The following CACNG2 variants were observed in gnomAD, a reference collection of about 807,000 sequenced individuals.
The protein encoded by CACNG2 is voltage-dependent calcium channel gamma-2 subunit.
In CACNG2, 3 loss-of-function variants were observed where a neutral mutation model predicts 25.9. That is an observed-to-expected ratio of 0.12 (90% CI 0.05 to 0.30). The LOEUF (loss-of-function observed/expected upper bound fraction) is 0.30. Ranked by LOEUF, CACNG2 falls within the 10% of genes least tolerant of loss-of-function variation. The pLI is 1.00. For synonymous variants in CACNG2, 167 were observed against 173.3 expected, an observed-to-expected ratio of 0.96 and a Z score of 0.29; for missense variants, 341 against 432.5, an observed-to-expected ratio of 0.79 and a Z score of 1.88.
intron 1 of CACNG2, among the ~76,000 whole-genome samples, chr22:36,632,632 T>C (rs1467085430): frequency 6.6e-6 from 1 of 152,062 alleles, no homozygotes; most frequent in Non-Finnish European, 1.5e-5. Context: ...CTCATCTTAC[T>C]TGACCCATCA....
At chr22:36,611,964 G>C (rs1935948910) in intron 1 of CACNG2, among the ~76,000 whole-genome samples, 1 of 152,142 alleles carries the variant, frequency 6.6e-6, no homozygotes, top group Non-Finnish European at 1.5e-5. Context: ...CTGTAAACCG[G>C]GTTAATAACA....
intron 1 of CACNG2, among the ~76,000 whole-genome samples, chr22:36,613,578 T>C (rs1249262272): frequency 6.6e-6 from 1 of 152,150 alleles, no homozygotes; most frequent in African/African-American, 2.4e-5. Flanking sequence ...CTTGTACATT[T>C]GGTGTTTCTG....
intron 1 of CACNG2, among the ~76,000 whole-genome samples, chr22:36,590,016 G>C (rs1935562420): frequency 6.6e-6 from 1 of 152,184 alleles, no homozygotes; most frequent in East Asian, 1.9e-4. Flanking sequence ...GTGCAGGAGT[G>C]AGGCTCAGAG....
At chr22:36,588,032 C>T (rs2145922509) in intron 1 of CACNG2, among the ~76,000 whole-genome samples, 1 of 152,324 alleles carries the variant, frequency 6.6e-6, no homozygotes, top group East Asian at 1.9e-4. Flanking sequence ...AAACACTTTC[C>T]CATCTGCAAT....
chr22:36,678,537 C>A lies in CACNG2; in HGVS notation c.211+23829G>T, dbSNP rs563180701. ...ACTCGACCCAATTCTCAAGCCTTCTCCCCCACAGTTCTGACCCAATTCTCT... is the reference window on the plus strand; with the variant it reads ...ACTCGACCCAATTCTCAAGCCTTCTACCCCACAGTTCTGACCCAATTCTCT... On this transcript the variant is annotated intron_variant, in intron 1 of 3. Coordinates refer to ENST00000300105, the MANE Select transcript of CACNG2 (RefSeq NM_006078.5). 9.9e-5 allele frequency among the ~76,000 whole-genome samples: 15 copies of A among 152,152 alleles called. No individual in the cohort carries two copies. In the East Asian group the frequency reaches 2.7e-3, roughly 27 times the overall value.
intron 1 of CACNG2, among the ~76,000 whole-genome samples, chr22:36,591,265 G>A (rs1367194083): frequency 2.0e-5 from 3 of 151,742 alleles, no homozygotes; most frequent in Non-Finnish European, 4.4e-5. Flanking sequence ...TCCTGACCTC[G>A]TGATCCGCCT....
At chr22:36,611,037 T>C (rs952562597) in intron 1 of CACNG2, among the ~76,000 whole-genome samples, 1 of 152,250 alleles carries the variant, frequency 6.6e-6, no homozygotes, top group African/African-American at 2.4e-5. Context: ...AATCTGAAGA[T>C]AAATGTTTAA....
At chr22:36,577,564 C>T (rs185653753) in intron 2 of CACNG2, among the ~76,000 whole-genome samples, 1 of 151,036 alleles carries the variant, frequency 6.6e-6, no homozygotes, top group East Asian at 2.0e-4. Context: ...GCAGGAGACT[C>T]GCTTGAACCG....
Position 36,586,696 on chromosome 22 carries a change from A to G in CACNG2, c.295+769T>C, listed in dbSNP as rs969185104. Among the ~76,000 whole-genome samples the G allele has an allele frequency of 3.3e-5, 5 of 151,316 alleles. No individual in the cohort carries two copies. In the South Asian group the frequency reaches 1.0e-3, roughly 32 times the overall value. ...GAGGCGGGGTTGCTCCTGGGAGGAG[A>G]GCAAACCTCCTTCCAAAGAGATGGC... On this transcript the variant is annotated intron_variant, in intron 2 of 3. Coordinates refer to ENST00000300105, the MANE Select transcript of CACNG2 (RefSeq NM_006078.5).
intron 1 of CACNG2, among the ~76,000 whole-genome samples, chr22:36,663,363 C>A (rs1039614140): frequency 7.2e-5 from 11 of 152,132 alleles, no homozygotes; most frequent in African/African-American, 2.4e-4. Flanking sequence ...AAAGGGCCAC[C>A]CCTACCCTCT....
At chr22:36,655,694 C>T (rs1044806283) in intron 1 of CACNG2, among the ~76,000 whole-genome samples, 6 of 151,428 alleles carry the variant, frequency 4.0e-5, no homozygotes, top group Admixed American at 3.3e-4. Flanking sequence ...TTCCTTCCTT[C>T]CTTTCTTTCT....
intron 1 of CACNG2, among the ~76,000 whole-genome samples, chr22:36,609,195 T>C (rs1042432960): frequency 2.6e-4 from 38 of 146,118 alleles, no homozygotes; most frequent in South Asian, 6.7e-4. Context: ...CAGAGCGTGA[T>C]CGGGCAGGAA....
intron 1 of CACNG2, among the ~76,000 whole-genome samples, chr22:36,685,218 C>T (rs1937180045): frequency 6.6e-6 from 1 of 152,142 alleles, no homozygotes; most frequent in South Asian, 2.1e-4. Flanking sequence ...CTCTCTGCAT[C>T]CTGCTGCTGT....
At chr22:36,628,217 T>C (rs1936213451) in intron 1 of CACNG2, among the ~76,000 whole-genome samples, 2 of 152,216 alleles carry the variant, frequency 1.3e-5, no homozygotes, top group African/African-American at 4.8e-5. Flanking sequence ...TAAAAAGGAA[T>C]AGATAGTTGG....
In CACNG2 at chr22:36,623,011, G is replaced by GATTTTTTTTTTTTTTTTTT. The variant is rs1569032646; in HGVS notation, c.212-35464_212-35463insAAAAAAAAAAAAAAAAAAT. Among the ~76,000 whole-genome samples, 2 of 93,224 alleles carry GATTTTTTTTTTTTTTTTTT rather than the reference G, an allele frequency of 2.1e-5. 1 individual carries two copies. Among genetic ancestry groups the GATTTTTTTTTTTTTTTTTT allele is most frequent in the Non-Finnish European group, 4.0e-5 (2 of 49,902 alleles). 61.2% of individuals were successfully genotyped at this position (93,224 alleles called of 152,430 possible). ...TTTCTCATTCAGTCTTCAAAACATG[G>GATTTTTTTTTTTTTTTTTT]GTTTTTTTTTTTTTTTTTTTTTTTT... On this transcript the variant is annotated intron_variant, in intron 1 of 3. Coordinates refer to ENST00000300105, the MANE Select transcript of CACNG2 (RefSeq NM_006078.5).
chr22:36,604,626 C>T (rs1204381675), intron 1 of CACNG2, among the ~76,000 whole-genome samples: 6 of 152,314 alleles, frequency 3.9e-5, no homozygotes, highest in Admixed American at 1.3e-4. Flanking sequence ...AACATCGAGG[C>T]AAGACCCTCC....
chr22:36,642,883 T>G (rs180689795), intron 1 of CACNG2, among the ~76,000 whole-genome samples: 367 of 152,288 alleles, frequency 2.4e-3, no homozygotes, highest in African/African-American at 8.5e-3. Flanking sequence ...GAGCATCACT[T>G]ATGGGCAGAT....
rs1219340583 is a variant in CACNG2, at chr22:36,680,438, TCAC to T, written c.211+21925_211+21927del. 2.1e-5 allele frequency among the ~76,000 whole-genome samples: 3 copies of T among 144,598 alleles called. No individual in the cohort carries two copies. In the East Asian group the frequency reaches 6.5e-4, roughly 31 times the overall value. The allele number at this position is 144,598 out of a possible 152,430, so 94.9% of individuals were successfully genotyped here. On this transcript the variant is annotated intron_variant, in intron 1 of 3. Transcript: ENST00000300105. The stretch of plus-strand genomic sequence containing the variant: ...ATCACCATCATCACCACCACCACCA[TCAC>T]CACCATCACCATCACCACTTTCATC...
At chr22:36,603,852 G>A (rs79293685) in intron 1 of CACNG2, among the ~76,000 whole-genome samples, 2 of 152,220 alleles carry the variant, frequency 1.3e-5, no homozygotes, top group Non-Finnish European at 2.9e-5. Flanking sequence ...TGTATAAGGA[G>A]ATGAATGTTG....
Sources: allele counts gnomAD v4.1 joint callset (sites outside exome capture counted in the v4.1 genomes callset), GRCh38; gene constraint gnomAD v4.1.1; transcripts MANE v1.5; gene names NCBI Gene and HGNC (gene_info 2026-07-23, HGNC 2026-07-21).